Variants in TRAPPC8 observed in about 807,000 individuals in gnomAD.
TRAPPC8 encodes the protein trafficking protein particle complex subunit 8.
A neutral mutation model predicts 174.3 loss-of-function variants in TRAPPC8; 54 were observed. That is an observed-to-expected ratio of 0.31 (90% CI 0.25 to 0.39). The LOEUF is 0.39. Ranked by LOEUF, TRAPPC8 falls within the 10% of genes least tolerant of loss-of-function variation. The probability of loss-of-function intolerance (pLI) is 1.00; values close to 1 mark genes in which losing one functional copy is unlikely to be tolerated. For missense variants in TRAPPC8, 1,531 were observed against 1,699.1 expected, an observed-to-expected ratio of 0.90 and a Z score of 1.74; for synonymous variants, 630 against 579.9, an observed-to-expected ratio of 1.09 and a Z score of -1.24.
chr18:31,833,849 A>G (rs1396394591), intron 27 of TRAPPC8, among the ~76,000 whole-genome samples: 2 of 151,796 alleles, frequency 1.3e-5, no homozygotes, highest in Non-Finnish European at 2.9e-5. Context: ...TAAAAATACA[A>G]AAAGTAGCCG....
chr18:31,855,549 T>C (rs964193798), intron 21 of TRAPPC8, 111 bp downstream of exon 21: 27 of 898,444 alleles, frequency 3.0e-5, no homozygotes, highest in Non-Finnish European at 4.2e-5. Context: ...TGAACATTCC[T>C]AAAATCCCTA....
intron 14 of TRAPPC8, among the ~76,000 whole-genome samples, chr18:31,872,727 AT>A (rs1382482368): frequency 6.6e-6 from 1 of 152,018 alleles, no homozygotes; most frequent in African/African-American, 2.4e-5. Flanking sequence ...CCACAATATA[AT>A]TTTATATAAG....
intron 2 of TRAPPC8, among the ~76,000 whole-genome samples, chr18:31,921,618 C>CA (rs34622423): frequency 0.092 from 5,631 of 61,244 alleles, 297 homozygotes; most frequent in African/African-American, 0.22. Flanking sequence ...GACTCCGTCT[C>CA]AAAAAAAAAA....
chr18:31,868,991 G>A (rs2034715676), intron 16 of TRAPPC8, among the ~76,000 whole-genome samples: 1 of 150,582 alleles, frequency 6.6e-6, no homozygotes, highest in East Asian at 1.9e-4. Flanking sequence ...TTATTTCCCA[G>A]TTCCAAAATC....
At chr18:31,865,666 T>C (rs2034551322) in intron 18 of TRAPPC8, among the ~76,000 whole-genome samples, 1 of 151,828 alleles carries the variant, frequency 6.6e-6, no homozygotes, top group African/African-American at 2.4e-5. Flanking sequence ...CTACCTATAT[T>C]TTACTGACAA....
chr18:31,920,431 T>G (rs1050219392), intron 2 of TRAPPC8, among the ~76,000 whole-genome samples: 1 of 152,184 alleles, frequency 6.6e-6, no homozygotes, highest in African/African-American at 2.4e-5. Context: ...ATATCCTACA[T>G]AGTCTAATTA....
rs35072678 is a variant in TRAPPC8, at chr18:31,903,858, C to CAA, written c.1390-2835_1390-2834dup. 2.3e-3 allele frequency among the ~76,000 whole-genome samples: 327 copies of CAA among 143,416 alleles called. 1 individual carries two copies. Among genetic ancestry groups the CAA allele is most frequent in the African/African-American group, 5.8e-3 (225 of 39,020 alleles). The allele number at this position is 143,416 out of a possible 152,430, so 94.1% of individuals were successfully genotyped here. A position where few individuals can be genotyped will look rare whatever the true frequency, so the allele number is the denominator to read the frequency against. ...CTGGGCAACATACTGAGATCTGTAT[C>CAA]AAAAAAAAAAACAAACTCATTCTAC... On this transcript the variant is annotated intron_variant, in intron 9 of 28. Transcript: ENST00000283351.
At chr18:31,901,091 CTA>C in intron 9 of TRAPPC8, 66 bp from the exon 10 acceptor site, 1 of 1,385,286 alleles carries the variant, frequency 7.2e-7, no homozygotes, top group Non-Finnish European at 9.8e-7. Flanking sequence ...AGATGGGAAA[CTA>C]AAAGTTGGAA....
intron 24 of TRAPPC8, 105 bp downstream of exon 24, chr18:31,852,341 C>G (rs11081719): frequency 0.28 from 363,386 of 1,306,734 alleles, 54,983 homozygotes; most frequent in South Asian, 0.52. Context: ...TGTCTCCCCC[C>G]CAAAAAAAAG....
chr18:31,843,375 A>AT (rs2033212609), intron 26 of TRAPPC8, among the ~76,000 whole-genome samples: 1 of 152,226 alleles, frequency 6.6e-6, no homozygotes, highest in Admixed American at 6.5e-5. Flanking sequence ...CACACATATA[A>AT]GTTCTGGAAA....
intron 4 of TRAPPC8, among the ~76,000 whole-genome samples, chr18:31,914,000 T>C (rs2037027275): frequency 6.6e-6 from 1 of 151,778 alleles, no homozygotes; most frequent in Admixed American, 6.6e-5. Flanking sequence ...ACCCTATCTC[T>C]ATCAAAATTA....
In TRAPPC8 at chr18:31,890,825, T is replaced by C; in HGVS notation, c.1638A>G (p.Ala546=). Residue 546 remains alanine (A), a synonymous_variant, in exon 12 of 29, where the codon GCA becomes GCG. Transcript: ENST00000283351. ...GACTTTTCATGTTTATAAAGCAATG[T>C]GCTGCCTGTTCCAAAAGAAGTGCAC... is the stretch of plus-strand genomic sequence containing the variant. The part of the protein sequence containing the change: ...LRSALLLEQA[A]HCFINMKSPM... 3 of 1,612,378 alleles carry C rather than the reference T, an allele frequency of 1.9e-6. No homozygotes were observed. The highest frequency in any genetic ancestry group is 1.3e-5 in the African/African-American group (1 of 75,000).
chr18:31,835,568 G>A (rs1469087820), intron 27 of TRAPPC8, among the ~76,000 whole-genome samples: 3 of 151,976 alleles, frequency 2.0e-5, no homozygotes, highest in African/African-American at 7.3e-5. Flanking sequence ...ATAATACTCG[G>A]TCACCCCACT....
Position 31,873,444 on chromosome 18 carries a change from C to A in TRAPPC8, c.2048G>T (p.Arg683Ile). 1.2e-6 allele frequency: 2 copies of A among 1,612,516 alleles called. No individual in the cohort carries two copies. The highest frequency in any genetic ancestry group is 1.7e-6 in the Non-Finnish European group (2 of 1,179,284). Residue 683 changes from arginine (R) to isoleucine (I), a missense_variant, in exon 14 of 29, where the codon AGA becomes ATA. Arg to Ile is a moderately conservative substitution (Grantham distance 97). Coordinates refer to ENST00000283351, the MANE Select transcript of TRAPPC8 (RefSeq NM_014939.5). ...ACTTTACTAACCATCCGCTGGTCGT[C>A]TGTCATGGCCAAAAAAAACCCGTGT... The part of the protein sequence containing the change: ...SATRVFFGHD[R>I]RPADGEKQAA...
At chr18:31,902,627 G>T (rs1430006614) in intron 9 of TRAPPC8, among the ~76,000 whole-genome samples, 3 of 152,116 alleles carry the variant, frequency 2.0e-5, no homozygotes, top group African/African-American at 7.2e-5. Context: ...AGAGACAAAG[G>T]GAAAAAAGGT....
At chr18:31,880,400 T>C (rs1202493152) in intron 12 of TRAPPC8, among the ~76,000 whole-genome samples, 4 of 151,862 alleles carry the variant, frequency 2.6e-5, no homozygotes, top group South Asian at 4.1e-4. Context: ...AAAAACCATA[T>C]GATCATCTCA....
In TRAPPC8 at chr18:31,857,738, G is replaced by A. The variant is rs770011990; in HGVS notation, c.2990C>T (p.Ser997Leu). ...GCCAAAGTCTACAGAAGAAGCTGAT[G>A]ATATGAGTGCTGTACACACAGAGGT... ...DATSVCTALI[S>L]SASSVDFGIG... is the part of the protein sequence containing the mutation. The change falls in exon 20 of 29, where the codon TCA becomes TTA. Residue 997 changes from serine to leucine, a missense_variant. Transcript: ENST00000283351. 8 of 1,614,122 alleles carry A rather than the reference G, an allele frequency of 5.0e-6. No homozygotes were observed. Among genetic ancestry groups the A allele is most frequent in the Non-Finnish European group, 6.8e-6 (8 of 1,180,016 alleles).
intron 27 of TRAPPC8, among the ~76,000 whole-genome samples, chr18:31,835,668 T>C (rs992531982): frequency 1.3e-5 from 2 of 152,228 alleles, no homozygotes; most frequent in African/African-American, 2.4e-5. Flanking sequence ...CACTTGATCC[T>C]TCATTTCAAT....
chr18:31,870,455 G>A lies in TRAPPC8; in HGVS notation c.2305C>T (p.Leu769Phe), dbSNP rs759733102. 1.2e-6 allele frequency: 2 copies of A among 1,611,704 alleles called. No homozygotes were observed. The highest frequency in any genetic ancestry group is 1.7e-6 in the Non-Finnish European group (2 of 1,178,818). The change falls in exon 16 of 29, where the codon CTT becomes TTT. Residue 769 changes from leucine to phenylalanine, a missense_variant. Transcript: ENST00000283351. Reference sequence around the variant, plus strand: ...AGCAATGACAAATCAGTCAACAAAAGTAGAACTTTCAAAGGGTTTCTAAAA... The same window carrying A: ...AGCAATGACAAATCAGTCAACAAAAATAGAACTTTCAAAGGGTTTCTAAAA... ...VAFRNPLKVLLLLTDLSLLWK... is the reference protein window; with the variant it reads ...VAFRNPLKVLFLLTDLSLLWK...
Sources: allele counts gnomAD v4.1 joint callset (sites outside exome capture counted in the v4.1 genomes callset), GRCh38; gene constraint gnomAD v4.1.1; transcripts MANE v1.5; gene names NCBI Gene and HGNC (gene_info 2026-07-23, HGNC 2026-07-21).